ENTPD1: variants seen among roughly 807,000 people sequenced by gnomAD.
ENTPD1 encodes ectonucleoside triphosphate diphosphohydrolase 1.
Under a neutral mutation model 57.0 loss-of-function variants are expected in ENTPD1, and 33 were observed. The observed-to-expected ratio is 0.58, with a 90% confidence interval of 0.44 to 0.77. The LOEUF (loss-of-function observed/expected upper bound fraction) is 0.77, where lower values mean the gene tolerates loss of function less well. Among genes scored for constraint, ENTPD1 ranks in the 30% least tolerant of loss-of-function variants. ENTPD1 has a pLI of 0.00. For synonymous variants in ENTPD1, 202 were observed against 218.8 expected (o/e 0.92, Z 0.68); for missense variants, 501 against 603.4 (o/e 0.83, Z 1.78).
At chr10:95,779,196 G>A (rs143287897) in intron 1 of ENTPD1, among the ~76,000 whole-genome samples, 1 of 152,016 alleles carries the variant, frequency 6.6e-6, no homozygotes, top group African/African-American at 2.4e-5. Flanking sequence ...AACTAGTTCT[G>A]CCCTGTAGAC....
chr10:95,709,515 C>G (rs938278474), upstream of ENTPD1, among the ~76,000 whole-genome samples: 5 of 152,170 alleles, frequency 3.3e-5, no homozygotes, highest in African/African-American at 1.2e-4. Context: ...TCCCGAGTAC[C>G]TGGGATTACA....
rs140629841 is a variant in ENTPD1 at position 95,857,161 on chromosome 10, G to C, written c.1075-3308G>C. 5.8e-3 allele frequency among the ~76,000 whole-genome samples: 883 copies of C among 152,268 alleles called. 7 individuals carry two copies. Among genetic ancestry groups the C allele is most frequent in the Middle Eastern group, 0.01 (3 of 294 alleles). On this transcript the variant is annotated intron_variant, in intron 7 of 9. Transcript: ENST00000371205. ...GGTCATGGGAAATTTTTCAAGAGCC[G>C]ATGGCATGTAGTGTCTTGGGGGGTT... is the stretch of plus-strand genomic sequence containing the variant.
At chr10:95,855,337 C>T (rs2098452519) in intron 7 of ENTPD1, among the ~76,000 whole-genome samples, 2 of 151,820 alleles carry the variant, frequency 1.3e-5, no homozygotes, top group Admixed American at 1.3e-4. Context: ...TGTCTCTGCA[C>T]ACGAGATGGG....
rs575830753 is a variant in ENTPD1, at chr10:95,872,567, G to A, written c.*6184G>A. 4 of 985,342 alleles carry A rather than the reference G, an allele frequency of 4.1e-6. No homozygotes were observed. The highest frequency in any genetic ancestry group is 1.1e-4 in the East Asian group (1 of 8,824). The allele number at this position is 985,342 out of a possible 1,614,324, so 61.0% of individuals were successfully genotyped here. On this transcript the variant is annotated 3_prime_UTR_variant, in exon 10 of 10. Coordinates refer to ENST00000371205, the MANE Select transcript of ENTPD1 (RefSeq NM_001776.6). ...CTTGTGCTACCACAACCCTTTAACT[G>A]AGCCTCCATTAGTGCACTGAGACCA...
At chr10:95,720,205 T>G (rs2097975976) in intron 1 of ENTPD1, among the ~76,000 whole-genome samples, 1 of 152,098 alleles carries the variant, frequency 6.6e-6, no homozygotes, top group Admixed American at 6.5e-5. Context: ...GGCAGAATCC[T>G]TTAGTTTAAC....
At chr10:95,736,667 T>A (rs2097994964) in intron 1 of ENTPD1, among the ~76,000 whole-genome samples, 1 of 152,172 alleles carries the variant, frequency 6.6e-6, no homozygotes, top group African/African-American at 2.4e-5. Flanking sequence ...CTGGTGTAGT[T>A]ATCCTCCCAA....
intron 1 of ENTPD1, among the ~76,000 whole-genome samples, chr10:95,712,162 T>A (rs1190591129): frequency 2.0e-5 from 3 of 152,360 alleles, no homozygotes; most frequent in Middle Eastern, 3.4e-3. Context: ...GTGTCCTTTT[T>A]TGGTATGAAT....
At chr10:95,789,978 A>T (rs996258899) in intron 1 of ENTPD1, among the ~76,000 whole-genome samples, 7 of 152,230 alleles carry the variant, frequency 4.6e-5, no homozygotes, top group Admixed American at 6.5e-5. Flanking sequence ...AGTATTTTTC[A>T]TTGTGTTTAG....
rs986912293 is a variant in ENTPD1 at position 95,791,175 on chromosome 10, G to A, written c.17-32062G>A. 2.0e-5 allele frequency among the ~76,000 whole-genome samples: 3 copies of A among 152,156 alleles called. No individual in the cohort carries two copies. The highest frequency in any genetic ancestry group is 1.9e-4 in the East Asian group (1 of 5,196). ...CCTCAGTATGAGTATCTAAAATGAT[G>A]AGTCATATTTAAACAGTGTTAATGT... is the stretch of plus-strand genomic sequence containing the variant. On this transcript the variant is annotated intron_variant, in intron 1 of 9. Coordinates refer to ENST00000371205, the MANE Select transcript of ENTPD1 (RefSeq NM_001776.6). This position sits in a 1 kb window ranked among gnomAD's most constrained non-coding sequence, Gnocchi z 4.1.
chr10:95,844,889 T>C (rs568856977), intron 5 of ENTPD1: 104 of 562,012 alleles, frequency 1.9e-4, no homozygotes, highest in Non-Finnish European at 3.0e-4. Flanking sequence ...AATTAAAAAT[T>C]TATCATTAAA....
At chr10:95,768,185 T>C (rs2098098159) in intron 1 of ENTPD1, among the ~76,000 whole-genome samples, 1 of 152,242 alleles carries the variant, frequency 6.6e-6, no homozygotes, top group Non-Finnish European at 1.5e-5. Context: ...TTAGCCTGAA[T>C]GGTTTTTGTT....
Position 95,834,356 on chromosome 10 carries a change from G to A in ENTPD1, c.145-5335G>A, listed in dbSNP as rs1036440694. Among the ~76,000 whole-genome samples, 6 of 152,030 alleles carry A rather than the reference G, an allele frequency of 3.9e-5. 1 individual carries two copies. Among genetic ancestry groups the A allele is most frequent in the Middle Eastern group, 6.3e-3 (2 of 316 alleles). On this transcript the variant is annotated intron_variant, in intron 2 of 9. Coordinates refer to ENST00000371205, the MANE Select transcript of ENTPD1 (RefSeq NM_001776.6). ...GTAATTACACCATGTGGCCAGTACC[G>A]TCTTTAGAGGGAAAATACAGGCATT...
upstream of ENTPD1, among the ~76,000 whole-genome samples, chr10:95,710,772 C>T (rs1046034174): frequency 7.9e-5 from 12 of 152,150 alleles, no homozygotes; most frequent in Non-Finnish European, 1.5e-4. Context: ...TATAGTCCCA[C>T]ATTTTGTCCA....
chr10:95,718,997 G>A (rs550515099), intron 1 of ENTPD1, among the ~76,000 whole-genome samples: 10 of 152,318 alleles, frequency 6.6e-5, no homozygotes, highest in African/African-American at 2.4e-4. Flanking sequence ...TGTTATTTAA[G>A]CAAATGGTTG....
chr10:95,783,438 A>G (rs2098165625), intron 1 of ENTPD1, among the ~76,000 whole-genome samples: 1 of 152,198 alleles, frequency 6.6e-6, no homozygotes, highest in Non-Finnish European at 1.5e-5. Flanking sequence ...AGAAAGTGGC[A>G]AAATCTTGAC....
rs2098285352 is a variant in ENTPD1 at position 95,809,107 on chromosome 10, T to A, written c.17-14130T>A. ...TCTTAGTACAGAACAAAATGGAGTC[T>A]CCTATGCCTACTTCTTTCTACACAG... is the stretch of plus-strand genomic sequence containing the variant. On this transcript the variant is annotated intron_variant, in intron 1 of 9. Coordinates refer to ENST00000371205, the MANE Select transcript of ENTPD1 (RefSeq NM_001776.6). Among the ~76,000 whole-genome samples the A allele has an allele frequency of 2.6e-5, 4 of 152,324 alleles. No individual in the cohort carries two copies. In the South Asian group the frequency reaches 8.3e-4, roughly 32 times the overall value.
rs1374493317 is a variant in ENTPD1, at chr10:95,873,986, G to T, written c.*7603G>T. Among the ~76,000 whole-genome samples the T allele has an allele frequency of 6.6e-6, 1 of 152,162 alleles. No individual in the cohort carries two copies. The stretch of plus-strand genomic sequence containing the variant: ...TCCCACTGCGTCCCTCCCACAACAT[G>T]TGGGAATTCTGGGAGATACAATTCA... On this transcript the variant is annotated 3_prime_UTR_variant, in exon 10 of 10. Transcript: ENST00000371205.
At chr10:95,700,139 A>G in the ENTPD1 span, among the ~76,000 whole-genome samples, 141 of 152,382 alleles carry the variant, frequency 9.3e-4, no homozygotes, top group African/African-American at 1.8e-3. Context: ...GAAGTAATCA[A>G]TAAAACATTC....
intron 1 of ENTPD1, among the ~76,000 whole-genome samples, chr10:95,716,678 G>T (rs2097971927): frequency 6.6e-6 from 1 of 152,196 alleles, no homozygotes. Flanking sequence ...CATCTGCTAT[G>T]TTATGATGCA....
Sources: allele counts gnomAD v4.1 joint callset (sites outside exome capture counted in the v4.1 genomes callset), GRCh38; gene constraint gnomAD v4.1.1; non-coding constraint Gnocchi (gnomAD v3.1); transcripts MANE v1.5; gene names NCBI Gene and HGNC (gene_info 2026-07-23, HGNC 2026-07-21).